The following CCDC149 variants were observed in gnomAD, a reference collection of about 807,000 sequenced individuals.
CCDC149 encodes the protein coiled-coil domain containing 149.
CCDC149 carries 45 observed loss-of-function variants against 59.9 expected under a neutral mutation model. The observed-to-expected ratio is 0.75, with a 90% CI of 0.59 to 0.96. The LOEUF is 0.96. Among genes scored for constraint, CCDC149 ranks in the 40% least tolerant of loss-of-function variants. The probability of loss-of-function intolerance (pLI) is 0.00; values close to 1 mark genes in which losing one functional copy is unlikely to be tolerated. For synonymous variants in CCDC149, 245 were observed against 260.6 expected (o/e 0.94, Z 0.58); for missense variants, 584 against 664.7 (o/e 0.88, Z 1.33).
rs57205804 is a variant in CCDC149 at position 24,931,829 on chromosome 4, G to GTATA, written c.-64-36715_-64-36712dup. On this transcript the variant is annotated intron_variant, in intron 1 of 12. Coordinates refer to the CCDC149 transcript ENST00000389609. ...CTCCCTTATATTGTATGGAGAGTATGTATATATATATATATATATATATGC... is the reference window on the plus strand; with the variant it reads ...CTCCCTTATATTGTATGGAGAGTATGTATATATATATATATATATATATATATGC... 6.9e-3 allele frequency among the ~76,000 whole-genome samples: 527 copies of GTATA among 76,920 alleles called. 44 individuals are homozygous for GTATA. Among genetic ancestry groups the GTATA allele is most frequent in the African/African-American group, 0.02 (325 of 16,498 alleles). The allele number at this position is 76,920 out of a possible 152,430, so 50.5% of individuals were successfully genotyped here.
chr4:24,946,198 G>A (rs1723105892), intron 1 of CCDC149, among the ~76,000 whole-genome samples: 1 of 152,172 alleles, frequency 6.6e-6, no homozygotes, highest in Non-Finnish European at 1.5e-5. Flanking sequence ...CCAGTGCTGT[G>A]ACCAGGCATC....
chr4:24,932,000 T>C (rs560137721), intron 1 of CCDC149, among the ~76,000 whole-genome samples: 1 of 151,796 alleles, frequency 6.6e-6, no homozygotes, highest in African/African-American at 2.4e-5. Context: ...GTGAGAAAAC[T>C]GAGGCACAGA....
At chr4:24,811,744 G>A (rs537293321) in intron 12 of CCDC149, among the ~76,000 whole-genome samples, 2 of 152,142 alleles carry the variant, frequency 1.3e-5, no homozygotes, top group South Asian at 2.1e-4. Context: ...GTGGTAGCGC[G>A]TGCCTGTAAT....
At chr4:24,814,227 G>C (rs1377062363) in intron 12 of CCDC149, among the ~76,000 whole-genome samples, 1 of 152,046 alleles carries the variant, frequency 6.6e-6, no homozygotes, top group African/African-American at 2.4e-5. Flanking sequence ...CATTACTTGT[G>C]CTCACAATGA....
At chr4:24,847,691 C>T (rs1005214128) in intron 4 of CCDC149, among the ~76,000 whole-genome samples, 4 of 152,206 alleles carry the variant, frequency 2.6e-5, no homozygotes, top group Admixed American at 2.6e-4. Context: ...GGAGAGAAAA[C>T]TGACTTGCCA....
intron 1 of CCDC149, among the ~76,000 whole-genome samples, chr4:24,964,965 G>GA (rs1577510287): frequency 6.6e-6 from 1 of 151,174 alleles, no homozygotes; most frequent in African/African-American, 2.5e-5. Context: ...TTTGTCTGAT[G>GA]AAAAAATCCT....
intron 1 of CCDC149, among the ~76,000 whole-genome samples, chr4:24,972,515 C>A (rs978351464): frequency 6.6e-6 from 1 of 151,914 alleles, no homozygotes; most frequent in Non-Finnish European, 1.5e-5. Flanking sequence ...TCCGTGTTGC[C>A]CAGTCTAGTC....
intron 1 of CCDC149, among the ~76,000 whole-genome samples, chr4:24,975,481 C>T (rs73105534): frequency 8.6e-5 from 8 of 93,114 alleles, no homozygotes; most frequent in Admixed American, 5.8e-4. Context: ...GAGAAGAAAG[C>T]GGGGAGGAGA....
At chr4:24,817,927 GAGATGTTAAGTGCAAGA>G (rs1460732897) in intron 12 of CCDC149, among the ~76,000 whole-genome samples, 2 of 152,144 alleles carry the variant, frequency 1.3e-5, no homozygotes, top group Non-Finnish European at 2.9e-5. Flanking sequence ...CTGCAGAGTT[GAGATGTTAAGTGCAAGA>G]CAGTGGAGAG....
chr4:24,880,368 C>T (rs1002739739), intron 1 of CCDC149, among the ~76,000 whole-genome samples: 19 of 152,304 alleles, frequency 1.2e-4, no homozygotes, highest in African/African-American at 3.1e-4. Context: ...CACACAATGA[C>T]GAAATCGCCT....
In CCDC149 at chr4:24,959,649, A is replaced by T. The variant is rs149109192; in HGVS notation, c.-65+20420T>A. Among the ~76,000 whole-genome samples the T allele has an allele frequency of 4.0e-3, 605 of 152,374 alleles. 4 individuals carry two copies. The highest frequency in any genetic ancestry group is 6.0e-3 in the Admixed American group (92 of 15,308). ...GGGTTAAAGAGAAAATCCTAAAAGC[A>T]GCCAGAGAGTAAGACGTTTTTATAC... On this transcript the variant is annotated intron_variant, in intron 1 of 12. Coordinates refer to the CCDC149 transcript ENST00000389609.
intron 4 of CCDC149, among the ~76,000 whole-genome samples, chr4:24,852,431 T>C (rs149574749): frequency 2.6e-5 from 4 of 152,188 alleles, no homozygotes; most frequent in East Asian, 1.9e-4. Context: ...CAGGAAATGA[T>C]TTGGGAGGAC....
At chr4:24,929,757 G>T (rs941409615) in intron 1 of CCDC149, among the ~76,000 whole-genome samples, 4 of 152,098 alleles carry the variant, frequency 2.6e-5, no homozygotes, top group Non-Finnish European at 5.9e-5. Context: ...CCCTGCTTCT[G>T]AACTCCTGAA....
intron 1 of CCDC149, among the ~76,000 whole-genome samples, chr4:24,919,900 A>C (rs926594240): frequency 6.6e-6 from 1 of 152,262 alleles, no homozygotes; most frequent in African/African-American, 2.4e-5. Flanking sequence ...GCAGTAACTT[A>C]GCACATAGAA....
intron 3 of CCDC149, among the ~76,000 whole-genome samples, chr4:24,871,129 A>G (rs1719017554): frequency 6.6e-6 from 1 of 152,192 alleles, no homozygotes; most frequent in Admixed American, 6.5e-5. Flanking sequence ...CTTTAGATCA[A>G]ACCTGGAGCA....
intron 3 of CCDC149, among the ~76,000 whole-genome samples, chr4:24,856,996 G>A (rs1577416360): frequency 6.6e-6 from 1 of 152,318 alleles, no homozygotes. Flanking sequence ...TCCCCATCTG[G>A]AGAAGATGCA....
chr4:24,946,505 A>G (rs536926920), intron 1 of CCDC149, among the ~76,000 whole-genome samples: 92 of 152,346 alleles, frequency 6.0e-4, no homozygotes, highest in African/African-American at 2.1e-3. Context: ...CTAATTATAA[A>G]AGTAATGCAA....
rs180788342 is a variant in CCDC149 at position 24,922,976 on chromosome 4, A to G, written c.-64-27858T>C. ...AAGATTGATCACCAGCAAAATACCA[A>G]TTTACATACAGATTCTGCTAAACTC... On this transcript the variant is annotated intron_variant, in intron 1 of 12. Transcript: ENST00000389609. Among the ~76,000 whole-genome samples the G allele has an allele frequency of 7.7e-3, 1,165 of 152,156 alleles. 58 individuals carry two copies. The highest frequency in any genetic ancestry group is 0.06 in the Admixed American group (923 of 15,280).
chr4:24,926,722 G>T (rs539347548), intron 1 of CCDC149, among the ~76,000 whole-genome samples: 6 of 152,308 alleles, frequency 3.9e-5, no homozygotes, highest in East Asian at 1.9e-4. Context: ...GGGAAAGCTT[G>T]TCTCTGCCCT....
Sources: allele counts gnomAD v4.1 joint callset (sites outside exome capture counted in the v4.1 genomes callset), GRCh38; gene constraint gnomAD v4.1.1; transcripts MANE v1.5; gene names NCBI Gene and HGNC (gene_info 2026-07-23, HGNC 2026-07-21).